TNKS: variants seen among roughly 807,000 people sequenced by gnomAD.
The protein encoded by TNKS is poly [ADP-ribose] polymerase tankyrase-1.
A neutral mutation model predicts 135.8 loss-of-function variants in TNKS; 72 were observed. The observed-to-expected ratio is 0.53, with a 90% confidence interval of 0.44 to 0.64. TNKS has a LOEUF of 0.64. Among genes scored for constraint, TNKS ranks in the 30% least tolerant of loss-of-function variants. The pLI, the probability that TNKS is intolerant of heterozygous loss-of-function variation, is 0.00. For synonymous variants in TNKS, 849 were observed against 649.3 expected, an observed-to-expected ratio of 1.31 and a Z score of -4.68; for missense variants, 1,769 against 1,674.0, an observed-to-expected ratio of 1.06 and a Z score of -0.99.
At chr8:9,718,378 T>C (rs1359125398) in intron 11 of TNKS, among the ~76,000 whole-genome samples, 1 of 152,142 alleles carries the variant, frequency 6.6e-6, no homozygotes, top group Admixed American at 6.6e-5. Context: ...ATGTAGACAA[T>C]GATAGCTTTA....
chr8:9,619,143 C>G (rs930627757), intron 3 of TNKS, among the ~76,000 whole-genome samples: 4 of 152,152 alleles, frequency 2.6e-5, no homozygotes, highest in Non-Finnish European at 5.9e-5. Flanking sequence ...CATCCATGGA[C>G]ATGGTAGATA....
chr8:9,665,848 A>ATGAG (rs1158558820), intron 3 of TNKS, among the ~76,000 whole-genome samples: 2 of 152,176 alleles, frequency 1.3e-5, no homozygotes, highest in Non-Finnish European at 2.9e-5. Flanking sequence ...ATGTTGCCTT[A>ATGAG]TGAGTCTCTA....
intron 20 of TNKS, among the ~76,000 whole-genome samples, chr8:9,758,396 C>G (rs1003635520): frequency 3.3e-5 from 5 of 151,970 alleles, no homozygotes; most frequent in African/African-American, 1.2e-4. Flanking sequence ...TAAACATTTT[C>G]TTTTGTTTCT....
At chr8:9,657,123 A>G (rs1219169838) in intron 3 of TNKS, among the ~76,000 whole-genome samples, 1 of 128,502 alleles carries the variant, frequency 7.8e-6, no homozygotes, top group African/African-American at 2.9e-5. Flanking sequence ...CCCGTTCTCA[A>G]TGAGCTGTTG....
At position 9,734,422 on chromosome 8, in the gene TNKS, CT is replaced by C. The variant is rs1282508609; in HGVS notation, c.2314-441del. Among the ~76,000 whole-genome samples the C allele has an allele frequency of 2.1e-4, 32 of 152,066 alleles. 1 individual carries two copies. The highest frequency in any genetic ancestry group is 2.1e-3 in the Admixed American group (32 of 15,256). ...CTTAAAAATATTACCAAACTTTATT[CT>C]TACTGATGGCCTTTAGAATTAAGTC... On this transcript the variant is annotated intron_variant, in intron 15 of 26. Transcript: ENST00000310430.
At chr8:9,602,158 T>G (rs1011664425) in intron 2 of TNKS, among the ~76,000 whole-genome samples, 4 of 152,104 alleles carry the variant, frequency 2.6e-5, no homozygotes, top group Non-Finnish European at 4.4e-5. Context: ...CGCCGTTAAG[T>G]GCATTCAACA....
chr8:9,566,793 A>G lies in TNKS; in HGVS notation c.673+10181A>G, dbSNP rs986675634. On this transcript the variant is annotated intron_variant, in intron 1 of 26. Coordinates refer to ENST00000310430, the MANE Select transcript of TNKS (RefSeq NM_003747.3). ...CCGGCTAATTTTTTGTATTTTTAGT[A>G]GAGACGGGGTTTCACCTTGTTAGCC... 8.0e-5 allele frequency among the ~76,000 whole-genome samples: 12 copies of G among 150,764 alleles called. No homozygotes were observed. In the East Asian group the frequency reaches 2.0e-3, roughly 25 times the overall value.
chr8:9,633,741 T>G (rs539454064), intron 3 of TNKS, among the ~76,000 whole-genome samples: 18 of 152,354 alleles, frequency 1.2e-4, no homozygotes, highest in African/African-American at 4.3e-4. Context: ...AACTGCCTTA[T>G]AGACAAGCCC....
At chr8:9,676,714 G>A (rs1048069143) in intron 3 of TNKS, among the ~76,000 whole-genome samples, 2 of 151,290 alleles carry the variant, frequency 1.3e-5, no homozygotes, top group Non-Finnish European at 2.9e-5. Flanking sequence ...GTGTGTGTTT[G>A]TGTGTGTGTA....
At chr8:9,685,277 G>C (rs1802941980) in intron 5 of TNKS, among the ~76,000 whole-genome samples, 1 of 152,132 alleles carries the variant, frequency 6.6e-6, no homozygotes, top group South Asian at 2.1e-4. Context: ...TAAGGTCAGA[G>C]GGATTGGGTT....
chr8:9,567,555 A>G (rs951396793), intron 1 of TNKS, among the ~76,000 whole-genome samples: 4 of 152,134 alleles, frequency 2.6e-5, no homozygotes, highest in Admixed American at 1.3e-4. Context: ...AGCTGGGACT[A>G]CAGGCGCCCG....
At chr8:9,742,860 AAGG>A (rs1221093938) in intron 17 of TNKS, among the ~76,000 whole-genome samples, 2 of 151,486 alleles carry the variant, frequency 1.3e-5, no homozygotes, top group East Asian at 3.9e-4. Flanking sequence ...TTATATATTT[AAGG>A]AGTACTAATA....
chr8:9,558,912 T>C (rs929885436), intron 1 of TNKS: 2 of 152,206 alleles, frequency 1.3e-5, no homozygotes, highest in African/African-American at 4.8e-5. Flanking sequence ...TTCTTTATCA[T>C]GTATAGGCTG....
At chr8:9,616,621 G>A (rs941323358) in intron 3 of TNKS, among the ~76,000 whole-genome samples, 1 of 152,150 alleles carries the variant, frequency 6.6e-6, no homozygotes, top group Non-Finnish European at 1.5e-5. Flanking sequence ...AAACGTTTAT[G>A]TACAGAAAGC....
At chr8:9,569,229 A>T (rs1245407461) in intron 1 of TNKS, among the ~76,000 whole-genome samples, 1 of 152,160 alleles carries the variant, frequency 6.6e-6, no homozygotes, top group Non-Finnish European at 1.5e-5. Context: ...CACTCCCTGG[A>T]CGACATCAGC....
At chr8:9,621,212 C>T (rs778656729) in intron 3 of TNKS, among the ~76,000 whole-genome samples, 1 of 152,028 alleles carries the variant, frequency 6.6e-6, no homozygotes, top group Admixed American at 6.6e-5. Flanking sequence ...TCTCAGATGG[C>T]TCTTATGATT....
At chr8:9,721,944 TC>T (rs1585376004) in intron 12 of TNKS, among the ~76,000 whole-genome samples, 1 of 151,562 alleles carries the variant, frequency 6.6e-6, no homozygotes, top group East Asian at 1.9e-4. Flanking sequence ...TTCCAGCTAC[TC>T]GGGAGCCTGA....
intron 2 of TNKS, among the ~76,000 whole-genome samples, chr8:9,590,129 T>C (rs1177074187): frequency 6.6e-6 from 1 of 152,172 alleles, no homozygotes; most frequent in African/African-American, 2.4e-5. Context: ...TTAAAAATGC[T>C]CCACATAATT....
Position 9,748,276 on chromosome 8 carries a change from C to T in TNKS, c.2832+64C>T, listed in dbSNP as rs878936045. On this transcript the variant is annotated intron_variant, in intron 18 of 26. Coordinates refer to ENST00000310430, the MANE Select transcript of TNKS (RefSeq NM_003747.3). ...ACTTTCACAGATGACATCAGATTCT[C>T]GGGTTCACCAGCTTACTTTTAGTCG... 1.9e-5 allele frequency: 25 copies of T among 1,299,346 alleles called. No individual in the cohort carries two copies. The South Asian group carries it at 3.7e-4, about 19-fold the overall frequency. 80.5% of individuals were successfully genotyped at this position (1,299,346 alleles called of 1,614,324 possible).
Sources: allele counts gnomAD v4.1 joint callset (sites outside exome capture counted in the v4.1 genomes callset), GRCh38; gene constraint gnomAD v4.1.1; transcripts MANE v1.5; gene names NCBI Gene and HGNC (gene_info 2026-07-23, HGNC 2026-07-21).